The following SGPP2 variants were observed in gnomAD, a reference collection of about 807,000 sequenced individuals.
SGPP2 encodes the protein sphingosine-1-phosphate phosphatase 2, also known as sphingosine 1-phosphate phosphohydrolase 2.
Under a neutral mutation model 33.9 loss-of-function variants are expected in SGPP2, and 30 were observed. The ratio of observed to expected loss-of-function variants is 0.89; its 90% confidence interval spans 0.66 to 1.20. SGPP2 has a LOEUF of 1.20. Among genes scored for constraint, SGPP2 ranks in the 50% most tolerant of loss-of-function variants. The pLI, the probability that SGPP2 is intolerant of heterozygous loss-of-function variation, is 0.00. For synonymous variants in SGPP2, 233 were observed against 225.0 expected, an observed-to-expected ratio of 1.04 and a Z score of -0.32; for missense variants, 458 against 532.1, an observed-to-expected ratio of 0.86 and a Z score of 1.37.
rs1012430012 is a variant in SGPP2 at position 222,561,450 on chromosome 2, C to T, written c.*2552C>T. On this transcript the variant is annotated 3_prime_UTR_variant, in exon 5 of 5. Coordinates refer to ENST00000321276, the MANE Select transcript of SGPP2 (RefSeq NM_152386.4). ...CTGACAAAAGGATCAGCTTTTCCCA[C>T]TTGTATTTTTTAAAAAGAGGGATTG... Among the ~76,000 whole-genome samples, 3 of 151,818 alleles carry T rather than the reference C, an allele frequency of 2.0e-5. No homozygotes were observed. Among genetic ancestry groups the T allele is most frequent in the African/African-American group, 4.8e-5 (2 of 41,350 alleles).
At chr2:222,471,419 AT>A (rs34750240) in intron 1 of SGPP2, among the ~76,000 whole-genome samples, 16,219 of 151,510 alleles carry the variant, frequency 0.11, 962 homozygotes, top group East Asian at 0.18. Context: ...TTCCAAGGTC[AT>A]TTTTTTTTAT....
chr2:222,503,443 C>T (rs1222629781), intron 2 of SGPP2, among the ~76,000 whole-genome samples: 1 of 152,054 alleles, frequency 6.6e-6, no homozygotes, highest in Non-Finnish European at 1.5e-5. Flanking sequence ...TATTCAAATC[C>T]ACCTTCAAGG....
rs995328696 is a variant in SGPP2, at chr2:222,476,994, T to G, written c.378+2268T>G. Among the ~76,000 whole-genome samples the G allele has an allele frequency of 6.6e-6, 1 of 151,644 alleles. No homozygotes were observed. The highest frequency in any genetic ancestry group is 1.5e-5 in the Non-Finnish European group (1 of 67,878). On this transcript the variant is annotated intron_variant, in intron 2 of 4. Transcript: ENST00000321276. This position sits in a 1 kb window ranked among gnomAD's most constrained non-coding sequence, Gnocchi z 4.3. ...TGTGTATATATAGGTGTGTGTATAT[T>G]TTGTGTATTTATGTGTGTATGTATA...
intron 4 of SGPP2, among the ~76,000 whole-genome samples, chr2:222,541,594 TTTTA>T (rs72410664): frequency 0.75 from 112,554 of 150,512 alleles, 42,504 homozygotes; most frequent in Middle Eastern, 0.85. Flanking sequence ...AAGAAAACTA[TTTTA>T]TTTATTTATT....
chr2:222,515,108 T>C (rs1698584331), intron 2 of SGPP2, among the ~76,000 whole-genome samples: 1 of 152,084 alleles, frequency 6.6e-6, no homozygotes, highest in Admixed American at 6.6e-5. Flanking sequence ...ACCTGGATTT[T>C]GCAATATTAT....
chr2:222,445,668 C>G (rs934239147), intron 1 of SGPP2, among the ~76,000 whole-genome samples: 2 of 149,818 alleles, frequency 1.3e-5, no homozygotes, highest in African/African-American at 4.8e-5. Context: ...ACGATTAGAC[C>G]ATACAGAGCT....
At chr2:222,441,245 C>T (rs1455812825) in intron 1 of SGPP2, among the ~76,000 whole-genome samples, 3 of 152,240 alleles carry the variant, frequency 2.0e-5, no homozygotes, top group African/African-American at 4.8e-5. Context: ...AGCCATTCCT[C>T]ACGTGGTAGA....
At chr2:222,487,280 G>C (rs1362551185) in intron 2 of SGPP2, among the ~76,000 whole-genome samples, 4 of 152,204 alleles carry the variant, frequency 2.6e-5, no homozygotes, top group African/African-American at 9.7e-5. Context: ...TAGTAAGGTA[G>C]AATGAGAAAT....
chr2:222,474,516 A>G, intron 1 of SGPP2, 52 bp from the exon 2 acceptor site: 5 of 1,564,146 alleles, frequency 3.2e-6, no homozygotes, highest in Non-Finnish European at 4.4e-6. Context: ...GAGATGTTTA[A>G]AACTTGACAT....
At chr2:222,448,028 C>A (rs1697422653) in intron 1 of SGPP2, among the ~76,000 whole-genome samples, 1 of 152,158 alleles carries the variant, frequency 6.6e-6, no homozygotes, top group African/African-American at 2.4e-5. Context: ...CTGAGGCAGG[C>A]CAGCTAGAAT....
chr2:222,487,685 G>C (rs561196022), intron 2 of SGPP2, among the ~76,000 whole-genome samples: 3 of 152,278 alleles, frequency 2.0e-5, no homozygotes, highest in Admixed American at 2.0e-4. Flanking sequence ...TTTCACAGGA[G>C]AGACAGTCCG....
chr2:222,438,433 T>C (rs1276987687), intron 1 of SGPP2, among the ~76,000 whole-genome samples: 1 of 152,184 alleles, frequency 6.6e-6, no homozygotes, highest in Admixed American at 6.5e-5. Flanking sequence ...TCTCTCCAAA[T>C]AAGATTATGA....
Position 222,424,575 on chromosome 2 carries a change from G to T in SGPP2, c.-28G>T. Reference sequence around the variant, plus strand: ...GAGGGCACCGGCCCGGCGTGGCAGCGGCGGCGGAGCGCGGCCCCGGGCACA... The same window carrying T: ...GAGGGCACCGGCCCGGCGTGGCAGCTGCGGCGGAGCGCGGCCCCGGGCACA... On this transcript the variant is annotated 5_prime_UTR_variant, in exon 1 of 5. Coordinates refer to ENST00000321276, the MANE Select transcript of SGPP2 (RefSeq NM_152386.4). 8.2e-7 allele frequency: 1 copy of T among 1,214,480 alleles called. No individual in the cohort carries two copies. The highest frequency in any genetic ancestry group is 1.0e-6 in the Non-Finnish European group (1 of 973,308). 75.2% of individuals were successfully genotyped at this position (1,214,480 alleles called of 1,614,324 possible).
chr2:222,521,180 T>A (rs1698680347), intron 2 of SGPP2, among the ~76,000 whole-genome samples: 1 of 152,252 alleles, frequency 6.6e-6, no homozygotes, highest in Non-Finnish European at 1.5e-5. Context: ...ATTCAAAAAG[T>A]ATCTTACTAG....
intron 2 of SGPP2, among the ~76,000 whole-genome samples, chr2:222,484,903 TTC>T (rs1698081638): frequency 6.6e-6 from 1 of 152,184 alleles, no homozygotes; most frequent in Admixed American, 6.5e-5. Context: ...AATCTTAATT[TTC>T]TCTCTCTCTT....
intron 4 of SGPP2, among the ~76,000 whole-genome samples, chr2:222,540,859 G>A (rs1182827730): frequency 6.3e-5 from 8 of 126,366 alleles, no homozygotes; most frequent in African/African-American, 9.1e-5. Flanking sequence ...TTGCTGTGTC[G>A]CCCAGGCTGG....
intron 2 of SGPP2, among the ~76,000 whole-genome samples, chr2:222,511,709 C>G (rs1343138848): frequency 3.3e-5 from 5 of 152,178 alleles, no homozygotes; most frequent in Non-Finnish European, 2.9e-5. Flanking sequence ...TCTTTTGAGA[C>G]AGGGTCTTGG....
chr2:222,461,870 A>G lies in SGPP2; in HGVS notation c.220-12698A>G, dbSNP rs75583895. Among the ~76,000 whole-genome samples the G allele has an allele frequency of 1.5e-3, 233 of 152,174 alleles. 2 individuals are homozygous for G. The highest frequency in any genetic ancestry group is 2.7e-3 in the East Asian group (14 of 5,150). On this transcript the variant is annotated intron_variant, in intron 1 of 4. Transcript: ENST00000321276. ...TCTTAGGTTCTGTTCATATTCGTTT[A>G]TCTCAACCACAGCTGGCTGGAGCCA...
Position 222,558,338 on chromosome 2 carries a change from T to C in SGPP2, c.649-9T>C. On this transcript the variant is annotated splice_polypyrimidine_tract_variant and intron_variant, in intron 4 of 4. Transcript: ENST00000321276. ...TGGTTCACACTGTTCTTTTCTCTCC[T>C]TCCCAAAGGATGTGCTGGGTGGCGT... 6.2e-7 allele frequency: 1 copy of C among 1,612,946 alleles called. No individual in the cohort carries two copies. Among genetic ancestry groups the C allele is most frequent in the Non-Finnish European group, 8.5e-7 (1 of 1,179,080 alleles).
Sources: gnomAD v4.1 joint callset for allele counts (sites outside exome capture counted in the v4.1 genomes callset) on GRCh38, gnomAD v4.1.1 for gene constraint, Gnocchi (gnomAD v3.1) non-coding constraint, MANE v1.5 for transcripts, NCBI Gene and HGNC (gene_info 2026-07-23, HGNC 2026-07-21) for gene names.